Variants in CSMD1 observed in about 807,000 individuals in gnomAD.
The protein encoded by CSMD1 is CUB and sushi domain-containing protein 1.
Under a neutral mutation model 417.5 loss-of-function variants are expected in CSMD1, and 213 were observed. The ratio of observed to expected loss-of-function variants is 0.51; its 90% confidence interval spans 0.46 to 0.57. CSMD1 has a LOEUF of 0.57. Ranked by LOEUF, CSMD1 falls within the 20% of genes least tolerant of loss-of-function variation. CSMD1 has a pLI of 0.00. For synonymous variants in CSMD1, 2,862 were observed against 1,736.8 expected (o/e 1.65, Z -16.11); for missense variants, 6,923 against 4,529.7 (o/e 1.53, Z -15.17).
chr8:3,871,288 C>G (rs1369455989), intron 5 of CSMD1, among the ~76,000 whole-genome samples: 1 of 152,042 alleles, frequency 6.6e-6, no homozygotes, highest in Non-Finnish European at 1.5e-5. Flanking sequence ...AAAAGCTGCA[C>G]TGATTTATAC....
At chr8:3,983,157 C>T (rs1020275214) in intron 5 of CSMD1, among the ~76,000 whole-genome samples, 7 of 85,066 alleles carry the variant, frequency 8.2e-5, no homozygotes, top group Non-Finnish European at 1.9e-4. Flanking sequence ...TTGAGACGGA[C>T]TCTCGCTCTG....
At chr8:3,042,215 T>C (rs1400212285) in intron 50 of CSMD1, among the ~76,000 whole-genome samples, 1 of 152,132 alleles carries the variant, frequency 6.6e-6, no homozygotes, top group Non-Finnish European at 1.5e-5. Flanking sequence ...TCCAAGCATG[T>C]AGCAAACAGC....
Position 2,938,502 on chromosome 8 carries a change from G to C in CSMD1, c.*83C>G. 7.5e-7 allele frequency: 1 copy of C among 1,335,652 alleles called. No individual in the cohort carries two copies. The highest frequency in any genetic ancestry group is 1.0e-6 in the Non-Finnish European group (1 of 971,584). 82.7% of individuals were successfully genotyped at this position (1,335,652 alleles called of 1,614,324 possible). ...GCTGCAGTAAAGCCAGAGTGGAAGGGAGAGTGGTATATGGCACCAAAGGAA... is the reference window on the plus strand; with the variant it reads ...GCTGCAGTAAAGCCAGAGTGGAAGGCAGAGTGGTATATGGCACCAAAGGAA... On this transcript the variant is annotated 3_prime_UTR_variant, in exon 70 of 70. Coordinates refer to ENST00000635120, the MANE Select transcript of CSMD1 (RefSeq NM_033225.6).
chr8:3,680,474 A>C (rs1357344651), intron 7 of CSMD1, among the ~76,000 whole-genome samples: 1 of 152,218 alleles, frequency 6.6e-6, no homozygotes, highest in Non-Finnish European at 1.5e-5. Context: ...ACACCCTCCC[A>C]AGACTAAACC....
At chr8:3,528,543 T>C (rs924178028) in intron 10 of CSMD1, among the ~76,000 whole-genome samples, 2 of 152,110 alleles carry the variant, frequency 1.3e-5, no homozygotes, top group African/African-American at 4.8e-5. Context: ...CTCATTTCCA[T>C]AAAATTAATC....
chr8:4,894,326 T>C (rs767270645), intron 1 of CSMD1, among the ~76,000 whole-genome samples: 2 of 152,082 alleles, frequency 1.3e-5, no homozygotes, highest in Non-Finnish European at 2.9e-5. Context: ...TTTTATTTAA[T>C]TTTCTACTAA....
At chr8:4,431,488 G>T (rs979747273) in intron 2 of CSMD1, among the ~76,000 whole-genome samples, 3 of 152,030 alleles carry the variant, frequency 2.0e-5, no homozygotes, top group Admixed American at 6.6e-5. Flanking sequence ...AAAGTAGAGA[G>T]ACCAAGTAGA....
intron 57 of CSMD1, among the ~76,000 whole-genome samples, chr8:2,969,491 T>C (rs1804250342): frequency 6.6e-6 from 1 of 152,186 alleles, no homozygotes; most frequent in Non-Finnish European, 1.5e-5. Context: ...ATTCTTTGAG[T>C]TGAAGAATTT....
chr8:3,369,652 G>C (rs748959951), intron 18 of CSMD1, among the ~76,000 whole-genome samples: 2 of 152,148 alleles, frequency 1.3e-5, no homozygotes, highest in African/African-American at 4.8e-5. Context: ...TTGCAGACAT[G>C]GTACAGGTTT....
At chr8:4,017,554 C>T (rs143442659) in intron 4 of CSMD1, among the ~76,000 whole-genome samples, 2 of 152,170 alleles carry the variant, frequency 1.3e-5, no homozygotes, top group Admixed American at 6.5e-5. Context: ...GATCCACCCA[C>T]CTTGGTCTCC....
At chr8:3,479,905 A>G (rs937040630) in intron 11 of CSMD1, among the ~76,000 whole-genome samples, 1 of 152,230 alleles carries the variant, frequency 6.6e-6, no homozygotes, top group Admixed American at 6.5e-5. Flanking sequence ...AGTTATAAAA[A>G]TGAACTAAAA....
At chr8:4,300,672 T>C (rs982969959) in intron 3 of CSMD1, among the ~76,000 whole-genome samples, 1 of 152,160 alleles carries the variant, frequency 6.6e-6, no homozygotes, top group African/African-American at 2.4e-5. Flanking sequence ...CTCCTAATGC[T>C]ATCTCTCCAC....
intron 23 of CSMD1, among the ~76,000 whole-genome samples, chr8:3,313,017 A>T (rs141858005): frequency 1.3e-5 from 2 of 152,342 alleles, no homozygotes; most frequent in African/African-American, 4.8e-5. Context: ...TTGGTAAAAT[A>T]AGTTGATGTG....
intron 2 of CSMD1, among the ~76,000 whole-genome samples, chr8:4,568,909 T>A (rs909029527): frequency 6.6e-6 from 1 of 152,212 alleles, no homozygotes; most frequent in Admixed American, 6.5e-5. Flanking sequence ...TTTGGCAGCA[T>A]AAATGTCTTC....
At chr8:4,468,962 G>C (rs1051514563) in intron 2 of CSMD1, among the ~76,000 whole-genome samples, 1 of 152,116 alleles carries the variant, frequency 6.6e-6, no homozygotes, top group Non-Finnish European at 1.5e-5. Context: ...ACCTTCAAGA[G>C]CATGATGTGA....
At chr8:4,187,028 A>G (rs1798720700) in intron 3 of CSMD1, among the ~76,000 whole-genome samples, 1 of 152,166 alleles carries the variant, frequency 6.6e-6, no homozygotes, top group Non-Finnish European at 1.5e-5. Context: ...TTCTTCCTTT[A>G]TAGAACAGTT....
intron 50 of CSMD1, 129 bp from the exon 51 acceptor site, chr8:3,029,642 T>A (rs940011780): frequency 1.4e-6 from 1 of 705,834 alleles, no homozygotes; most frequent in Non-Finnish European, 2.3e-6. Flanking sequence ...CCATTACGTA[T>A]TATCTCAGTG....
chr8:3,729,942 AAAAAAAAAAAAAAAAAAAAC>A (rs1347469837), intron 6 of CSMD1, among the ~76,000 whole-genome samples: 3,183 of 24,824 alleles, frequency 0.13, 372 homozygotes, highest in Non-Finnish European at 0.33. Flanking sequence ...AAAAAAAAAA[AAAAAAAAAAAAAAAAAAAAC>A]AAAAACAGAA....
chr8:3,632,990 G>A (rs1231944407), intron 7 of CSMD1, among the ~76,000 whole-genome samples: 2 of 152,174 alleles, frequency 1.3e-5, no homozygotes, highest in Non-Finnish European at 2.9e-5. Context: ...GGGTGCTCTC[G>A]CACCTGAGAG....
Sources: allele counts gnomAD v4.1 joint callset (sites outside exome capture counted in the v4.1 genomes callset), GRCh38; gene constraint gnomAD v4.1.1; transcripts MANE v1.5; gene names NCBI Gene and HGNC (gene_info 2026-07-23, HGNC 2026-07-21).